TJP1: variants seen among roughly 807,000 people sequenced by gnomAD.
TJP1 encodes tight junction protein ZO-1.
A neutral mutation model predicts 194.2 loss-of-function variants in TJP1; 43 were observed. The ratio of observed to expected loss-of-function variants is 0.22; its 90% CI spans 0.17 to 0.29. The LOEUF (loss-of-function observed/expected upper bound fraction) is 0.29, where lower values mean the gene tolerates loss of function less well. Ranked by LOEUF, TJP1 falls within the 10% of genes least tolerant of loss-of-function variation. TJP1 has a pLI of 1.00. For missense variants in TJP1, 1,971 were observed against 2,185.7 expected (o/e 0.90, Z 1.96); for synonymous variants, 801 against 779.0 (o/e 1.03, Z -0.47).
intron 2 of TJP1, among the ~76,000 whole-genome samples, chr15:29,840,197 T>C (rs1020240437): frequency 6.6e-6 from 1 of 152,228 alleles, no homozygotes; most frequent in Non-Finnish European, 1.5e-5. Flanking sequence ...TAGTTTGTTT[T>C]TTCATCCTTT....
chr15:29,731,418 T>C (rs2043650993), intron 15 of TJP1, among the ~76,000 whole-genome samples: 1 of 152,198 alleles, frequency 6.6e-6, no homozygotes, highest in Non-Finnish European at 1.5e-5. Flanking sequence ...TGGTTACCAG[T>C]GTGTCAGGCA....
At chr15:29,863,737 A>G (rs1346044185) in intron 2 of TJP1, among the ~76,000 whole-genome samples, 2 of 152,196 alleles carry the variant, frequency 1.3e-5, no homozygotes, top group Non-Finnish European at 2.9e-5. Flanking sequence ...CTTTGGTGGT[A>G]GAGAACACAG....
intron 1 of TJP1, among the ~76,000 whole-genome samples, chr15:29,819,314 C>T (rs1452282204): frequency 2.6e-5 from 4 of 152,164 alleles, no homozygotes; most frequent in African/African-American, 7.2e-5. Context: ...TTTTTTACCA[C>T]ATATTCGTAG....
intron 2 of TJP1, among the ~76,000 whole-genome samples, chr15:29,945,379 C>T (rs2055238715): frequency 6.6e-6 from 1 of 152,196 alleles, no homozygotes; most frequent in Admixed American, 6.5e-5. Flanking sequence ...AAAGACATAG[C>T]CAAGTCAGTT....
intron 2 of TJP1, among the ~76,000 whole-genome samples, chr15:29,873,610 TAC>T (rs2052600601): frequency 6.6e-6 from 1 of 152,254 alleles, no homozygotes. Flanking sequence ...TATATTCTTT[TAC>T]AGTTTCCTAT....
chr15:29,769,246 T>C (rs548421096), intron 4 of TJP1, among the ~76,000 whole-genome samples: 1 of 152,308 alleles, frequency 6.6e-6, no homozygotes, highest in East Asian at 1.9e-4. Flanking sequence ...AAATACACCA[T>C]GAGAGGATCA....
intron 2 of TJP1, among the ~76,000 whole-genome samples, chr15:29,935,130 T>C (rs1249976396): frequency 6.6e-6 from 1 of 152,244 alleles, no homozygotes; most frequent in Non-Finnish European, 1.5e-5. Flanking sequence ...CTTTTCTCTT[T>C]GCTTTCACAC....
At chr15:29,819,308 T>G in intron 1 of TJP1, among the ~76,000 whole-genome samples, 1 of 152,200 alleles carries the variant, frequency 6.6e-6, no homozygotes, top group South Asian at 2.1e-4. Context: ...ATATTATTTT[T>G]TACCACATAT....
chr15:29,789,909 T>C (rs2047959320), intron 2 of TJP1, among the ~76,000 whole-genome samples: 1 of 152,190 alleles, frequency 6.6e-6, no homozygotes, highest in Admixed American at 6.5e-5. Context: ...GCCATAGCCC[T>C]CCATTTCAAA....
intron 2 of TJP1, among the ~76,000 whole-genome samples, chr15:29,880,817 T>C (rs1171160148): frequency 6.6e-6 from 1 of 152,336 alleles, no homozygotes; most frequent in Non-Finnish European, 1.5e-5. Context: ...TACGTATATA[T>C]CACATTTTCT....
chr15:29,718,948 C>T lies in TJP1; in HGVS notation c.3194G>A (p.Ser1065Asn). The T allele has an allele frequency of 6.2e-7, 1 of 1,614,164 alleles. No homozygotes were observed. The highest frequency in any genetic ancestry group is 1.3e-5 in the African/African-American group (1 of 75,050). ...GTTTCGAGAAAACTGGTCCGTATAG[C>T]TTGAGGACTCGTATCTGTATGTGGG... is the stretch of plus-strand genomic sequence containing the variant. ...EQPTYRYESSSYTDQFSRNYE... is the reference protein window; with the variant it reads ...EQPTYRYESSNYTDQFSRNYE... Residue 1065 changes from serine (S) to asparagine (N), a missense_variant, in exon 21 of 28, where the codon AGC becomes AAC. This residue lies in a region of TJP1 where 1,108 missense variants were observed against 1,128.5 expected (regional missense o/e 0.98). Coordinates refer to ENST00000614355, the MANE Select transcript of TJP1 (RefSeq NM_001330239.4).
intron 2 of TJP1, among the ~76,000 whole-genome samples, chr15:29,775,986 A>G (rs1567003045): frequency 6.6e-6 from 1 of 152,284 alleles, no homozygotes; most frequent in East Asian, 1.9e-4. Context: ...GCCTCAGTAC[A>G]ATATATTGTT....
chr15:29,724,147 T>C (rs2043098859), intron 18 of TJP1, among the ~76,000 whole-genome samples: 1 of 152,110 alleles, frequency 6.6e-6, no homozygotes, highest in Non-Finnish European at 1.5e-5. Flanking sequence ...TTCCACGCAG[T>C]CCCCATGCTT....
At chr15:29,836,348 C>T (rs1056215801) in intron 2 of TJP1, among the ~76,000 whole-genome samples, 4 of 151,898 alleles carry the variant, frequency 2.6e-5, no homozygotes, top group Non-Finnish European at 5.9e-5. Context: ...TCTCAGCTCA[C>T]TGCAAGCTCC....
intron 2 of TJP1, among the ~76,000 whole-genome samples, chr15:29,879,145 TA>T (rs1175193655): frequency 6.6e-6 from 1 of 151,822 alleles, no homozygotes; most frequent in East Asian, 1.9e-4. Flanking sequence ...AATAAAAAAA[TA>T]AAAAAAATTA....
intron 2 of TJP1, among the ~76,000 whole-genome samples, chr15:29,877,330 C>T (rs926995194): frequency 6.6e-6 from 1 of 152,208 alleles, no homozygotes; most frequent in African/African-American, 2.4e-5. Context: ...GATCCTCCTG[C>T]TTCGGGGTCC....
intron 2 of TJP1, among the ~76,000 whole-genome samples, chr15:29,878,340 G>A (rs1023914119): frequency 2.0e-5 from 3 of 152,134 alleles, no homozygotes; most frequent in African/African-American, 7.2e-5. Context: ...ATGAGCCACC[G>A]CGCCTGGCCA....
At chr15:29,726,626 A>G (rs45617641) in intron 17 of TJP1, 147 bp from the exon 18 acceptor site, 21,510 of 1,121,484 alleles carry the variant, frequency 0.019, 298 homozygotes, top group South Asian at 0.051. Context: ...GCTACTGTAT[A>G]TTTTCTTTTA....
At chr15:29,921,858 C>T (rs1719344) in intron 2 of TJP1, among the ~76,000 whole-genome samples, 27,765 of 145,110 alleles carry the variant, frequency 0.19, 2,713 homozygotes, top group East Asian at 0.35. Context: ...TTTTTTTTTT[C>T]TCCATGACGG....
Sources: allele counts gnomAD v4.1 joint callset (sites outside exome capture counted in the v4.1 genomes callset), GRCh38; gene constraint gnomAD v4.1.1; regional missense constraint gnomAD v4.1.1; transcripts MANE v1.5; gene names NCBI Gene and HGNC (gene_info 2026-07-23, HGNC 2026-07-21).